Variants in DENND1A observed in about 807,000 individuals in gnomAD.
The protein encoded by DENND1A is DENN domain containing 1A, also known as DENN domain-containing protein 1A.
A neutral mutation model predicts 113.7 loss-of-function variants in DENND1A; 51 were observed. The ratio of observed to expected loss-of-function variants is 0.45; its 90% CI spans 0.36 to 0.57. The LOEUF (loss-of-function observed/expected upper bound fraction) is 0.57. Ranked by LOEUF, DENND1A falls within the 20% of genes least tolerant of loss-of-function variation. The pLI is 0.00. For missense variants in DENND1A, 1,258 were observed against 1,395.9 expected (o/e 0.90, Z 1.57); for synonymous variants, 565 against 570.8 (o/e 0.99, Z 0.14).
Position 123,381,740 on chromosome 9 carries a change from G to T in DENND1A, c.2905C>A (p.Leu969Ile). 6.6e-7 allele frequency: 1 copy of T among 1,516,512 alleles called. No homozygotes were observed. The highest frequency in any genetic ancestry group is 1.3e-5 in the South Asian group (1 of 77,996). 93.9% of individuals were successfully genotyped at this position (1,516,512 alleles called of 1,614,324 possible). ...QMPMGTHTSP[L>I]QPLGPPAVAP... Reference sequence around the variant, plus strand: ...ACTGCTGGGGGACCCAGCGGCTGTAGGGGGCTCGTGTGGGTGCCCATGGGC... The same window carrying T: ...ACTGCTGGGGGACCCAGCGGCTGTATGGGGCTCGTGTGGGTGCCCATGGGC... Residue 969 changes from leucine to isoleucine, a missense_variant, in exon 24 of 24, where the codon CTA becomes ATA. By Grantham distance (5) the Leu-to-Ile change is conservative. Transcript: ENST00000394215. This position sits in a 1 kb window ranked among gnomAD's most constrained non-coding sequence, Gnocchi z 4.7.
chr9:123,445,049 T>C (rs1001031397), intron 18 of DENND1A, among the ~76,000 whole-genome samples: 1 of 152,156 alleles, frequency 6.6e-6, no homozygotes, highest in Non-Finnish European at 1.5e-5. Context: ...AAAGTCATTG[T>C]ATTCCTATTA....
chr9:123,899,849 A>T (rs770815364), intron 1 of DENND1A, among the ~76,000 whole-genome samples: 1 of 152,194 alleles, frequency 6.6e-6, no homozygotes, highest in Non-Finnish European at 1.5e-5. Context: ...GGACACTATA[A>T]ATTTCTTTCT....
At chr9:123,511,503 G>T (rs1027127176) in intron 13 of DENND1A, among the ~76,000 whole-genome samples, 1 of 152,256 alleles carries the variant, frequency 6.6e-6, no homozygotes, top group African/African-American at 2.4e-5. Flanking sequence ...CCAGCACAGG[G>T]CTGAGGACAG....
At chr9:123,529,062 T>C (rs1374763457) in intron 13 of DENND1A, among the ~76,000 whole-genome samples, 1 of 152,220 alleles carries the variant, frequency 6.6e-6, no homozygotes, top group Non-Finnish European at 1.5e-5. Context: ...ATTGCAACTG[T>C]GTTTCATGTT....
In DENND1A at chr9:123,828,639, C is replaced by CA. The variant is rs59346883; in HGVS notation, c.89-36010dup. On this transcript the variant is annotated intron_variant, in intron 2 of 23. Coordinates refer to ENST00000394215, the MANE Select transcript of DENND1A (RefSeq NM_001352964.2). ...TGAAAAGGAAAAACTTAAAAGTAGC[C>CA]AAAAAAAAAAAAGAAAAAAAAATTG... Among the ~76,000 whole-genome samples, 854 of 115,964 alleles carry CA rather than the reference C, an allele frequency of 7.4e-3. 1 individual carries two copies. The highest frequency in any genetic ancestry group is 0.018 in the Admixed American group (198 of 11,188). 76.1% of individuals were successfully genotyped at this position (115,964 alleles called of 152,430 possible).
chr9:123,580,080 C>T (rs2058817458), intron 12 of DENND1A, among the ~76,000 whole-genome samples: 1 of 152,152 alleles, frequency 6.6e-6, no homozygotes, highest in Non-Finnish European at 1.5e-5. Flanking sequence ...ATGCAGGTAC[C>T]ATTTCTTGAA....
chr9:123,657,345 G>T (rs1413262681), intron 8 of DENND1A, among the ~76,000 whole-genome samples: 1 of 147,428 alleles, frequency 6.8e-6, no homozygotes, highest in Non-Finnish European at 1.5e-5. Flanking sequence ...GGTGGCTGGG[G>T]ACTTGAGGCT....
At chr9:123,611,558 C>T (rs2060419373) in intron 10 of DENND1A, among the ~76,000 whole-genome samples, 1 of 152,094 alleles carries the variant, frequency 6.6e-6, no homozygotes, top group South Asian at 2.1e-4. Context: ...TTAATGTGAC[C>T]AGAAGCACAG....
At chr9:123,770,832 G>A (rs1271189820) in intron 3 of DENND1A, among the ~76,000 whole-genome samples, 1 of 152,136 alleles carries the variant, frequency 6.6e-6, no homozygotes, top group Non-Finnish European at 1.5e-5. Context: ...AATGCTAACT[G>A]AATTGATGCT....
chr9:123,418,565 C>T (rs780196371), intron 19 of DENND1A, among the ~76,000 whole-genome samples: 8 of 152,184 alleles, frequency 5.3e-5, no homozygotes, highest in East Asian at 3.8e-4. Flanking sequence ...GGAAAACGCT[C>T]GACGGCCAGG....
At chr9:123,547,550 C>T (rs2056781939) in intron 13 of DENND1A, among the ~76,000 whole-genome samples, 1 of 152,126 alleles carries the variant, frequency 6.6e-6, no homozygotes, top group Non-Finnish European at 1.5e-5. Context: ...CAAAACCTGA[C>T]TGTAATTTTT....
chr9:123,455,678 C>T (rs1269114819), intron 15 of DENND1A, among the ~76,000 whole-genome samples: 2 of 152,348 alleles, frequency 1.3e-5, no homozygotes, highest in Middle Eastern at 3.4e-3. Context: ...GCTGGACACA[C>T]ATTGAACCCT....
chr9:123,736,510 T>A (rs2068578255), intron 5 of DENND1A: 1 of 152,184 alleles, frequency 6.6e-6, no homozygotes, highest in African/African-American at 2.4e-5. Context: ...TTTTAAGGAA[T>A]AAATGAGGCC....
chr9:123,720,996 A>G (rs2067296209), intron 5 of DENND1A, among the ~76,000 whole-genome samples: 1 of 152,240 alleles, frequency 6.6e-6, no homozygotes, highest in Non-Finnish European at 1.5e-5. Flanking sequence ...TGATACTCCA[A>G]GTGTCTGACC....
Position 123,495,115 on chromosome 9 carries a change from A to G in DENND1A, c.994-37218T>C, listed in dbSNP as rs377166164. Among the ~76,000 whole-genome samples, 12 of 128,668 alleles carry G rather than the reference A, an allele frequency of 9.3e-5. No homozygotes were observed. The East Asian group carries it at 2.7e-3, about 29-fold the overall frequency. 84.4% of individuals were successfully genotyped at this position (128,668 alleles called of 152,430 possible). A position where few individuals can be genotyped will look rare whatever the true frequency, so the allele number is the denominator to read the frequency against. Reference sequence around the variant, plus strand: ...CCTTTTGTACTTCTCTTGTATGTCTATCTATTATGACCCATCATTGTCTCT... The same window carrying G: ...CCTTTTGTACTTCTCTTGTATGTCTGTCTATTATGACCCATCATTGTCTCT... On this transcript the variant is annotated intron_variant, in intron 13 of 23. Coordinates refer to ENST00000394215, the MANE Select transcript of DENND1A (RefSeq NM_001352964.2).
At chr9:123,654,234 A>C (rs1430829876) in intron 8 of DENND1A, among the ~76,000 whole-genome samples, 3 of 152,226 alleles carry the variant, frequency 2.0e-5, no homozygotes, top group Non-Finnish European at 4.4e-5. Flanking sequence ...GCATTTCAGT[A>C]AAAAGCTTAA....
chr9:123,658,699 GTTCA>G (rs923035024), intron 8 of DENND1A, among the ~76,000 whole-genome samples: 4 of 152,128 alleles, frequency 2.6e-5, no homozygotes, highest in African/African-American at 9.7e-5. Flanking sequence ...GTGGCTACAT[GTTCA>G]TTCATTCATT....
chr9:123,878,367 A>C (rs1184743393), intron 2 of DENND1A, among the ~76,000 whole-genome samples: 1 of 152,186 alleles, frequency 6.6e-6, no homozygotes. Flanking sequence ...TTAAGAAGAA[A>C]TATATGCTGC....
chr9:123,865,792 CA>C (rs1298610943), intron 2 of DENND1A, among the ~76,000 whole-genome samples: 2 of 152,022 alleles, frequency 1.3e-5, no homozygotes, highest in South Asian at 2.1e-4. Context: ...GTAATTTGCC[CA>C]AAATTACACA....
Sources: allele counts gnomAD v4.1 joint callset (sites outside exome capture counted in the v4.1 genomes callset), GRCh38; gene constraint gnomAD v4.1.1; non-coding constraint Gnocchi (gnomAD v3.1); transcripts MANE v1.5; gene names NCBI Gene and HGNC (gene_info 2026-07-23, HGNC 2026-07-21).